The following COL5A1 variants were observed in gnomAD, a reference collection of about 807,000 sequenced individuals.
COL5A1 encodes the protein collagen alpha-1(V) chain.
In COL5A1, 16 loss-of-function variants were observed where a neutral mutation model predicts 263.7. The observed-to-expected ratio is 0.06, with a 90% CI of 0.04 to 0.09. The LOEUF (loss-of-function observed/expected upper bound fraction) is 0.09, where lower values mean the gene tolerates loss of function less well. Ranked by LOEUF, COL5A1 falls within the 10% of genes least tolerant of loss-of-function variation. The pLI, the probability that COL5A1 is intolerant of heterozygous loss-of-function variation, is 1.00. For synonymous variants in COL5A1, 1,012 were observed against 1,004.5 expected, an observed-to-expected ratio of 1.01 and a Z score of -0.14; for missense variants, 2,036 against 2,540.5, an observed-to-expected ratio of 0.80 and a Z score of 4.27.
intron 4 of COL5A1, among the ~76,000 whole-genome samples, chr9:134,719,425 C>T (rs989231881): frequency 1.3e-5 from 2 of 152,272 alleles, no homozygotes; most frequent in Non-Finnish European, 2.9e-5. Context: ...CATGCACGCA[C>T]ACGTATGTAT....
intron 4 of COL5A1, among the ~76,000 whole-genome samples, chr9:134,726,490 GTGGATAGA>G (rs1051169511): frequency 3.1e-4 from 47 of 151,922 alleles, no homozygotes; most frequent in African/African-American, 8.0e-4. Flanking sequence ...TGAAGGATGA[GTGGATAGA>G]TGGATAGATG....
At chr9:134,824,015 ATGTGTG>A (rs5901055) in intron 61 of COL5A1, among the ~76,000 whole-genome samples, 2 of 148,776 alleles carry the variant, frequency 1.3e-5, no homozygotes. Context: ...ATATATGTGC[ATGTGTG>A]TGTGTGTGTT....
rs1467449467 is a variant in COL5A1, at chr9:134,818,996, A to G, written c.4393-4A>G. ...GACTCTGATCCCCCTGCCTCCTCCC[A>G]CAGGGTCCCCCAGGACTTCCCGGCC... is the stretch of plus-strand genomic sequence containing the variant. On this transcript the variant is annotated splice_polypyrimidine_tract_variant and splice_region_variant and intron_variant, in intron 56 of 65. Transcript: ENST00000371817. The surrounding 1 kb of genome is among the most constrained non-coding windows in gnomAD (Gnocchi z 6.0). The G allele has an allele frequency of 6.2e-7, 1 of 1,613,374 alleles. No individual in the cohort carries two copies. Among genetic ancestry groups the G allele is most frequent in the Non-Finnish European group, 8.5e-7 (1 of 1,179,988 alleles).
chr9:134,706,887 C>T (rs982805848), intron 4 of COL5A1, among the ~76,000 whole-genome samples: 3 of 152,232 alleles, frequency 2.0e-5, no homozygotes, highest in Non-Finnish European at 1.5e-5. Flanking sequence ...GTGTCCCTCC[C>T]GTGTGTGACA....
chr9:134,756,300 T>C (rs1009908830), intron 16 of COL5A1, among the ~76,000 whole-genome samples: 1 of 152,218 alleles, frequency 6.6e-6, no homozygotes, highest in Admixed American at 6.5e-5. Flanking sequence ...GGCCTCTTCC[T>C]TAGCCAAGTG....
chr9:134,803,112 C>A, intron 39 of COL5A1, 117 bp downstream of exon 39: 2 of 856,378 alleles, frequency 2.3e-6, no homozygotes, highest in Non-Finnish European at 3.9e-6. Context: ...AGACGCTTCT[C>A]ATGCCGGTTC....
intron 11 of COL5A1, among the ~76,000 whole-genome samples, chr9:134,744,460 C>A (rs1048852949): frequency 1.3e-5 from 2 of 152,026 alleles, no homozygotes; most frequent in Non-Finnish European, 2.9e-5. Flanking sequence ...CGCACACACT[C>A]ACCTATACAT....
intron 1 of COL5A1, among the ~76,000 whole-genome samples, chr9:134,646,696 G>C (rs1365293212): frequency 6.6e-6 from 1 of 152,158 alleles, no homozygotes; most frequent in Non-Finnish European, 1.5e-5. Flanking sequence ...AGTCTGCACA[G>C]CTCTGCAGAC....
In COL5A1 at chr9:134,808,651, TG is replaced by T. The variant is rs1406015005; in HGVS notation, c.3367-531del. On this transcript the variant is annotated intron_variant, in intron 42 of 65. Coordinates refer to ENST00000371817, the MANE Select transcript of COL5A1 (RefSeq NM_000093.5). ...ACATGCATGTGCATGCATGCATACC[TG>T]TGTACATAGGCGTGTTCACATGTGT... is the stretch of plus-strand genomic sequence containing the variant. Among the ~76,000 whole-genome samples, 7 of 152,374 alleles carry T rather than the reference TG, an allele frequency of 4.6e-5. No homozygotes were observed. In the East Asian group the frequency reaches 1.2e-3, roughly 25 times the overall value.
chr9:134,753,824 CAT>C (rs1484970971), intron 14 of COL5A1, 24 bp from the exon 15 acceptor site: 1 of 1,579,288 alleles, frequency 6.3e-7, no homozygotes, highest in Non-Finnish European at 8.6e-7. Flanking sequence ...CTCGAGCAGA[CAT>C]TAACACACAC....
At chr9:134,685,112 A>G (rs1204651406) in intron 1 of COL5A1, among the ~76,000 whole-genome samples, 13 of 117,932 alleles carry the variant, frequency 1.1e-4, no homozygotes, top group Admixed American at 2.7e-4. Flanking sequence ...CCATCCATCC[A>G]TTCATCCATC....
rs372529744 is a variant in COL5A1, at chr9:134,813,951, C to T, written c.3853-32C>T. On this transcript the variant is annotated intron_variant, in intron 48 of 65. Transcript: ENST00000371817. ...GCACTGCGTTCATCGCGGTGCTCAC[C>T]GCTGCCATAACCACATGCACTGTCT... The T allele has an allele frequency of 2.2e-5, 34 of 1,549,956 alleles. No homozygotes were observed. The African/African-American group carries it at 2.7e-4, about 12-fold the overall frequency.
intron 6 of COL5A1, among the ~76,000 whole-genome samples, chr9:134,729,221 C>G (rs560994470): frequency 1.1e-4 from 17 of 152,278 alleles, no homozygotes; most frequent in Admixed American, 3.3e-4. Flanking sequence ...AGGTCGGCCT[C>G]GGGTCCTCCC....
chr9:134,685,102 CCAT>C (rs1832980499), intron 1 of COL5A1, among the ~76,000 whole-genome samples: 1 of 133,024 alleles, frequency 7.5e-6, no homozygotes, highest in Admixed American at 7.6e-5. Flanking sequence ...CATCCATCCA[CCAT>C]CCATCCATTC....
chr9:134,830,338 T>TC (rs1490279688), intron 64 of COL5A1: 2 of 698,778 alleles, frequency 2.9e-6, no homozygotes, highest in Admixed American at 2.6e-5. Context: ...TGGAGTCCTC[T>TC]CCCCAGCCCC....
At chr9:134,725,753 G>A (rs1334339226) in intron 4 of COL5A1, among the ~76,000 whole-genome samples, 1 of 152,202 alleles carries the variant, frequency 6.6e-6, no homozygotes, top group East Asian at 1.9e-4. Context: ...AGCAGTGTGG[G>A]TTCATCCGCC....
chr9:134,777,617 T>C (rs943212007), intron 27 of COL5A1, among the ~76,000 whole-genome samples: 3 of 151,786 alleles, frequency 2.0e-5, no homozygotes, highest in African/African-American at 4.8e-5. Flanking sequence ...ATTCCTCCGA[T>C]GGGGATCCTC....
intron 9 of COL5A1, chr9:134,732,332 A>T: frequency 1.5e-6 from 1 of 663,814 alleles, no homozygotes; most frequent in Non-Finnish European, 2.7e-6. Flanking sequence ...GATGTTCTGG[A>T]CTGTGATGGA....
intron 20 of COL5A1, 97 bp downstream of exon 20, chr9:134,763,834 C>A: frequency 8.0e-7 from 1 of 1,253,004 alleles, no homozygotes; most frequent in Non-Finnish European, 1.1e-6. Flanking sequence ...CAGCCAGGAG[C>A]TTAGAAGAGA....
Sources: allele counts gnomAD v4.1 joint callset (sites outside exome capture counted in the v4.1 genomes callset), GRCh38; gene constraint gnomAD v4.1.1; non-coding constraint Gnocchi (gnomAD v3.1); transcripts MANE v1.5; gene names NCBI Gene and HGNC (gene_info 2026-07-23, HGNC 2026-07-21).